Variants in ANKRD36C observed in about 807,000 individuals in gnomAD.
ANKRD36C encodes ankyrin repeat domain 36C.
ANKRD36C carries 61 observed loss-of-function variants against 276.4 expected under a neutral mutation model. The observed-to-expected ratio is 0.22, with a 90% CI of 0.18 to 0.27. The LOEUF (loss-of-function observed/expected upper bound fraction) is 0.27, where lower values mean the gene tolerates loss of function less well. Among genes scored for constraint, ANKRD36C ranks in the 10% least tolerant of loss-of-function variants. ANKRD36C has a pLI of 1.00. For missense variants in ANKRD36C, 1,447 were observed against 2,032.3 expected, an observed-to-expected ratio of 0.71 and a Z score of 5.54; for synonymous variants, 483 against 680.1, an observed-to-expected ratio of 0.71 and a Z score of 4.51.
At chr2:95,960,378 G>A in intron 10 of ANKRD36C, 95 bp downstream of exon 10, 1 of 1,429,610 alleles carries the variant, frequency 7.0e-7, no homozygotes, top group Non-Finnish European at 9.5e-7. Context: ...ATCAGAATGT[G>A]CAGCTTCAAT....
chr2:95,934,535 AT>A (rs1479655548), intron 24 of ANKRD36C, among the ~76,000 whole-genome samples: 7 of 133,766 alleles, frequency 5.2e-5, no homozygotes, highest in Non-Finnish European at 1.1e-4. Context: ...TTTCTCACTC[AT>A]AAGTGGGAGT....
intron 44 of ANKRD36C, among the ~76,000 whole-genome samples, chr2:95,897,748 G>C (rs1397569645): frequency 6.7e-6 from 1 of 148,590 alleles, no homozygotes; most frequent in South Asian, 2.1e-4. Flanking sequence ...TATGCCGAGT[G>C]ATGAGGTCAA....
In ANKRD36C at chr2:95,944,833, T is replaced by C. The variant is rs1204317722; in HGVS notation, c.1424-139A>G. The stretch of plus-strand genomic sequence containing the variant: ...CAGGCAGATCATATGAGGTCAGGTG[T>C]TCAAGACCAGCCTGGCCAACATGGT... On this transcript the variant is annotated intron_variant, in intron 18 of 66. Coordinates refer to ENST00000456556, the Ensembl canonical transcript of ANKRD36C. 4 of 966,470 alleles carry C rather than the reference T, an allele frequency of 4.1e-6. No homozygotes were observed. In the African/African-American group the frequency reaches 6.6e-5, roughly 16 times the overall value. The allele number at this position is 966,470 out of a possible 1,614,324, so 59.9% of individuals were successfully genotyped here.
intron 44 of ANKRD36C, among the ~76,000 whole-genome samples, chr2:95,894,850 A>C (rs1021660360): frequency 6.6e-6 from 1 of 151,176 alleles, no homozygotes; most frequent in Non-Finnish European, 1.5e-5. Context: ...AAATGTTCCA[A>C]ATGATCTGAA....
chr2:95,853,798 C>A (rs759862683), exon 64 of ANKRD36C: 2 of 1,607,564 alleles, frequency 1.2e-6, no homozygotes, highest in East Asian at 2.2e-5. Flanking sequence ...TCCAGCAAAG[C>A]TTTTGTTGCT....
chr2:95,963,693 G>A (rs1373218089), intron 6 of ANKRD36C, among the ~76,000 whole-genome samples: 1 of 113,882 alleles, frequency 8.8e-6, no homozygotes, highest in Non-Finnish European at 1.8e-5. Context: ...CATCTGAAGT[G>A]AGTTCAGTTA....
intron 17 of ANKRD36C, among the ~76,000 whole-genome samples, chr2:95,946,156 GAA>G (rs56964568): frequency 0.023 from 1,650 of 73,310 alleles, 17 homozygotes; most frequent in East Asian, 0.093. Context: ...ACAGAGAGAG[GAA>G]AAAAAAAAAA....
chr2:95,954,344 A>C (rs1220883639), intron 13 of ANKRD36C, among the ~76,000 whole-genome samples: 4 of 152,144 alleles, frequency 2.6e-5, no homozygotes, highest in Non-Finnish European at 5.9e-5. Context: ...TAAAGGCTAA[A>C]CTGAAAATCC....
intron 60 of ANKRD36C, among the ~76,000 whole-genome samples, chr2:95,867,171 G>T (rs1469969276): frequency 6.6e-6 from 1 of 152,148 alleles, no homozygotes; most frequent in Non-Finnish European, 1.5e-5. Flanking sequence ...ACATGACCAT[G>T]GGTAAAGGGG....
rs528554641 is a variant in ANKRD36C at position 95,871,283 on chromosome 2, A to G, written c.3541-3702T>C. On this transcript the variant is annotated intron_variant, in intron 59 of 66. Coordinates refer to ENST00000456556, the Ensembl canonical transcript of ANKRD36C. ...GCCAGAGAGAAAGGTCAGGTTGCCC[A>G]CAAAGAGAAGCCCATCAGACTAACA... 2.5e-3 allele frequency among the ~76,000 whole-genome samples: 378 copies of G among 152,348 alleles called. 1 individual carries two copies. The highest frequency in any genetic ancestry group is 4.1e-3 in the Non-Finnish European group (281 of 68,032).
At chr2:95,987,695 C>T (rs1372475827) in intron 1 of ANKRD36C, among the ~76,000 whole-genome samples, 1 of 147,636 alleles carries the variant, frequency 6.8e-6, no homozygotes, top group Non-Finnish European at 1.5e-5. Context: ...AATCTCGGCT[C>T]ACTGCAAGCT....
chr2:95,859,978 AT>A lies in ANKRD36C; in HGVS notation c.3778del (p.Ile1260PhefsTer4). The A allele has an allele frequency of 6.5e-7, 1 of 1,549,628 alleles. No individual in the cohort carries two copies. ...ACTAGCCTTATTTTTCAGTTTTCGA[AT>A]TTTTACTCTAAGTTGCTCACAGTGA... On this transcript the variant is annotated frameshift_variant, in exon 61 of 67. Transcript: ENST00000456556. LOFTEE classifies it high-confidence loss of function.
chr2:95,892,411 C>T (rs904048930), intron 44 of ANKRD36C, among the ~76,000 whole-genome samples: 2 of 151,466 alleles, frequency 1.3e-5, no homozygotes, highest in South Asian at 2.1e-4. Context: ...TTTAATGATA[C>T]CTCGTAGATA....
intron 5 of ANKRD36C, among the ~76,000 whole-genome samples, chr2:95,979,453 T>G (rs1317374130): frequency 6.6e-6 from 1 of 152,008 alleles, no homozygotes; most frequent in African/African-American, 2.4e-5. Context: ...CTCAGATAAT[T>G]CCAATGAATG....
chr2:95,882,736 T>C (rs1413362191), intron 54 of ANKRD36C, among the ~76,000 whole-genome samples: 2 of 152,164 alleles, frequency 1.3e-5, no homozygotes. Context: ...GTCATGTGTG[T>C]ATTACTGAAA....
intron 17 of ANKRD36C, among the ~76,000 whole-genome samples, chr2:95,946,231 C>T (rs373416992): frequency 5.4e-4 from 81 of 148,686 alleles, no homozygotes; most frequent in African/African-American, 1.8e-3. Flanking sequence ...ATTCAGAATT[C>T]GAAAGAGTAA....
Position 95,857,231 on chromosome 2 carries a change from T to C in ANKRD36C, c.4080+78A>G, listed in dbSNP as rs1416221303. On this transcript the variant is annotated intron_variant, in intron 62 of 66. Coordinates refer to ENST00000456556, the Ensembl canonical transcript of ANKRD36C. The stretch of plus-strand genomic sequence containing the variant: ...TTGGGGATTGTTCAGGCCTAAATAA[T>C]GTACATTAAACAAAAGAGATGGTAT... The C allele has an allele frequency of 5.9e-6, 9 of 1,535,760 alleles. No individual in the cohort carries two copies. The Admixed American group carries it at 1.8e-4, about 30-fold the overall frequency.
intron 6 of ANKRD36C, among the ~76,000 whole-genome samples, chr2:95,967,386 A>G (rs1678613752): frequency 6.6e-6 from 1 of 152,226 alleles, no homozygotes; most frequent in African/African-American, 2.4e-5. Flanking sequence ...CATCTGAAAA[A>G]AAGCTCATCA....
At chr2:95,879,532 T>A (rs1440709545) in intron 58 of ANKRD36C, among the ~76,000 whole-genome samples, 1 of 151,912 alleles carries the variant, frequency 6.6e-6, no homozygotes, top group Non-Finnish European at 1.5e-5. Context: ...ACACATTGTA[T>A]GCCTGTATCA....
Sources: allele counts gnomAD v4.1 joint callset (sites outside exome capture counted in the v4.1 genomes callset), GRCh38; gene constraint gnomAD v4.1.1; transcripts MANE v1.5; gene names NCBI Gene and HGNC (gene_info 2026-07-23, HGNC 2026-07-21).